Variants in PLCB1 observed in about 807,000 individuals in gnomAD.
The protein encoded by PLCB1 is 1-phosphatidylinositol 4,5-bisphosphate phosphodiesterase beta-1.
In PLCB1, 46 loss-of-function variants were observed where a neutral mutation model predicts 161.8. The ratio of observed to expected loss-of-function variants is 0.28; its 90% CI spans 0.22 to 0.36. PLCB1 has a LOEUF of 0.36. Ranked by LOEUF, PLCB1 falls within the 10% of genes least tolerant of loss-of-function variation. The pLI is 1.00. For synonymous variants in PLCB1, 517 were observed against 503.7 expected (o/e 1.03, Z -0.35); for missense variants, 1,016 against 1,472.5 (o/e 0.69, Z 5.07).
At chr20:8,581,749 A>G (rs1196817609) in intron 3 of PLCB1, among the ~76,000 whole-genome samples, 1 of 152,224 alleles carries the variant, frequency 6.6e-6, no homozygotes, top group South Asian at 2.1e-4. Context: ...AGCCTGCTAT[A>G]CCTTACCACC....
chr20:8,532,834 C>T (rs981271595), intron 3 of PLCB1, among the ~76,000 whole-genome samples: 36 of 151,802 alleles, frequency 2.4e-4, no homozygotes, highest in African/African-American at 8.2e-4. Context: ...GGAGGAAATG[C>T]AATTTTTTTT....
chr20:8,593,158 C>T (rs1341399189), intron 3 of PLCB1, among the ~76,000 whole-genome samples: 1 of 152,044 alleles, frequency 6.6e-6, no homozygotes, highest in Non-Finnish European at 1.5e-5. Context: ...CAGGCCCTGC[C>T]CCCCATATCT....
At chr20:8,201,320 GT>G (rs1274980568) in intron 2 of PLCB1, among the ~76,000 whole-genome samples, 1 of 151,878 alleles carries the variant, frequency 6.6e-6, no homozygotes, top group South Asian at 2.1e-4. Context: ...AATATTGTGG[GT>G]TTTTTTAACC....
At chr20:8,475,384 G>A (rs890223975) in intron 3 of PLCB1, among the ~76,000 whole-genome samples, 1 of 151,974 alleles carries the variant, frequency 6.6e-6, no homozygotes, top group Non-Finnish European at 1.5e-5. Flanking sequence ...CTGTGGGTTG[G>A]AGACCAACCT....
intron 3 of PLCB1, among the ~76,000 whole-genome samples, chr20:8,617,312 T>C (rs193113118): frequency 6.6e-6 from 1 of 152,318 alleles, no homozygotes; most frequent in Non-Finnish European, 1.5e-5. Context: ...AAATAAATTA[T>C]ACTAAAAATG....
In PLCB1 at chr20:8,582,793, G is replaced by A. The variant is rs542560164; in HGVS notation, c.247-45501G>A. On this transcript the variant is annotated intron_variant, in intron 3 of 31. Coordinates refer to ENST00000338037, the MANE Select transcript of PLCB1 (RefSeq NM_015192.4). ...ACTTGAGGCTAGGAGTTCCAGACCA[G>A]CCTGGCCCACATGGTGAGACTCTTT... 9.2e-5 allele frequency among the ~76,000 whole-genome samples: 14 copies of A among 152,254 alleles called. No individual in the cohort carries two copies. In the East Asian group the frequency reaches 2.7e-3, roughly 29 times the overall value.
intron 10 of PLCB1, among the ~76,000 whole-genome samples, chr20:8,686,314 G>C (rs1990356181): frequency 6.6e-6 from 1 of 152,094 alleles, no homozygotes; most frequent in Non-Finnish European, 1.5e-5. Flanking sequence ...GCACATTATA[G>C]AATCTTACAT....
intron 2 of PLCB1, among the ~76,000 whole-genome samples, chr20:8,272,110 A>C (rs1396631756): frequency 2.0e-5 from 3 of 152,120 alleles, no homozygotes; most frequent in Non-Finnish European, 4.4e-5. Flanking sequence ...CTTTGGGGCA[A>C]AAAGAAGAGC....
intron 27 of PLCB1, among the ~76,000 whole-genome samples, chr20:8,780,380 C>T (rs1291177130): frequency 6.6e-6 from 1 of 152,108 alleles, no homozygotes; most frequent in Non-Finnish European, 1.5e-5. Context: ...TCCTTTTTAG[C>T]GGCTTTACAA....
chr20:8,509,904 G>A (rs1396166073), intron 3 of PLCB1, among the ~76,000 whole-genome samples: 1 of 152,154 alleles, frequency 6.6e-6, no homozygotes, highest in African/African-American at 2.4e-5. Flanking sequence ...TTAATGACTG[G>A]TGTAAGTACA....
In PLCB1 at chr20:8,382,908, T is replaced by C. The variant is rs552860213; in HGVS notation, c.246+11458T>C. On this transcript the variant is annotated intron_variant, in intron 3 of 31. Transcript: ENST00000338037. ...TGCACTGTGGTCTGACAGACTGTTA[T>C]GATTTCAGTACTTTTGCATTTGCTG... Among the ~76,000 whole-genome samples, 54 of 152,330 alleles carry C rather than the reference T, an allele frequency of 3.5e-4. 1 individual carries two copies. The highest frequency in any genetic ancestry group is 5.1e-4 in the Non-Finnish European group (35 of 68,024).
intron 3 of PLCB1, among the ~76,000 whole-genome samples, chr20:8,417,004 G>C (rs1288245054): frequency 1.0e-5 from 1 of 100,088 alleles, no homozygotes; most frequent in East Asian, 3.4e-4. Flanking sequence ...TATATATGTA[G>C]TTTTAAATAC....
At chr20:8,608,392 C>G (rs986827822) in intron 3 of PLCB1, among the ~76,000 whole-genome samples, 6 of 152,100 alleles carry the variant, frequency 3.9e-5, no homozygotes, top group African/African-American at 1.4e-4. Context: ...TCTCTTTACT[C>G]AAGGACCTAA....
intron 7 of PLCB1, chr20:8,652,757 A>G (rs1568547433): frequency 6.6e-6 from 1 of 152,072 alleles, no homozygotes; most frequent in Non-Finnish European, 1.5e-5. Flanking sequence ...TGTTGGGGAT[A>G]AATAAGGCAC....
At chr20:8,599,866 A>T (rs1987481917) in intron 3 of PLCB1, among the ~76,000 whole-genome samples, 1 of 148,258 alleles carries the variant, frequency 6.7e-6, no homozygotes, top group African/African-American at 2.5e-5. Flanking sequence ...TCCATCACTG[A>T]TACCCTTTCT....
intron 3 of PLCB1, among the ~76,000 whole-genome samples, chr20:8,504,579 C>T (rs1399580880): frequency 2.0e-5 from 3 of 152,064 alleles, no homozygotes; most frequent in African/African-American, 7.2e-5. Flanking sequence ...AACCCCCTGC[C>T]CCAACTTCCT....
intron 9 of PLCB1, among the ~76,000 whole-genome samples, chr20:8,683,186 T>C (rs529418674): frequency 6.6e-6 from 1 of 152,136 alleles, no homozygotes; most frequent in South Asian, 2.1e-4. Context: ...TGTGTGTATA[T>C]GCATGATTAC....
intron 2 of PLCB1, among the ~76,000 whole-genome samples, chr20:8,232,598 T>C (rs1292036082): frequency 6.6e-6 from 1 of 152,120 alleles, no homozygotes; most frequent in Non-Finnish European, 1.5e-5. Context: ...TTTGCTTTGC[T>C]CTTCTTCTAT....
intron 3 of PLCB1, among the ~76,000 whole-genome samples, chr20:8,499,309 A>G (rs898606230): frequency 1.3e-5 from 2 of 152,228 alleles, no homozygotes; most frequent in Non-Finnish European, 2.9e-5. Context: ...CTTCTTTTGT[A>G]CATTCCACGG....
Sources: allele counts gnomAD v4.1 joint callset (sites outside exome capture counted in the v4.1 genomes callset), GRCh38; gene constraint gnomAD v4.1.1; transcripts MANE v1.5; gene names NCBI Gene and HGNC (gene_info 2026-07-23, HGNC 2026-07-21).